Variants in CTSS observed in about 807,000 individuals in gnomAD.
CTSS encodes the protein cathepsin S.
A neutral mutation model predicts 39.9 loss-of-function variants in CTSS; 15 were observed. The observed-to-expected ratio is 0.38, with a 90% confidence interval of 0.25 to 0.58. CTSS has a LOEUF of 0.58. Among genes scored for constraint, CTSS ranks in the 20% least tolerant of loss-of-function variants. The probability of loss-of-function intolerance (pLI) is 0.70; values close to 1 mark genes in which losing one functional copy is unlikely to be tolerated. For synonymous variants in CTSS, 126 were observed against 138.2 expected, an observed-to-expected ratio of 0.91 and a Z score of 0.62; for missense variants, 250 against 398.2, an observed-to-expected ratio of 0.63 and a Z score of 3.17.
intron 7 of CTSS, 106 bp from the exon 8 acceptor site, chr1:150,733,251 C>A: frequency 5.5e-6 from 4 of 724,256 alleles, no homozygotes; most frequent in Non-Finnish European, 9.1e-6. Flanking sequence ...ATATGAAAGG[C>A]CGTAAAACAA....
intron 2 of CTSS, 63 bp from the exon 3 acceptor site, chr1:150,758,043 G>A: frequency 6.6e-7 from 1 of 1,504,874 alleles, no homozygotes; most frequent in Non-Finnish European, 8.9e-7. Flanking sequence ...GTTTGATGAT[G>A]AAAATGGCAA....
At chr1:150,749,567 G>A (rs376154753) in intron 6 of CTSS, among the ~76,000 whole-genome samples, 2 of 55,962 alleles carry the variant, frequency 3.6e-5, no homozygotes, top group Non-Finnish European at 7.4e-5. Flanking sequence ...ACCCCGCCCC[G>A]CCTCACCCCG....
chr1:150,749,939 A>G (rs911216462), intron 6 of CTSS, 67 bp downstream of exon 6: 1 of 1,378,668 alleles, frequency 7.3e-7, no homozygotes, highest in Middle Eastern at 2.0e-4. Flanking sequence ...GGCATGAACC[A>G]CCGTGCTCAG....
intron 2 of CTSS, among the ~76,000 whole-genome samples, chr1:150,759,108 G>A (rs1361219358): frequency 6.6e-6 from 1 of 151,008 alleles, no homozygotes. Flanking sequence ...GGCCTTAAAG[G>A]ATCCTTCCCC....
chr1:150,749,572 A>ACCCCGCCCCGCCCCG (rs1025330281), intron 6 of CTSS, among the ~76,000 whole-genome samples: 1 of 46,682 alleles, frequency 2.1e-5, no homozygotes, highest in South Asian at 6.8e-4. Context: ...GCCCCGCCTC[A>ACCCCGCCCCGCCCCG]CCCCGCCCCG....
chr1:150,753,727 A>T (rs1000808908), intron 4 of CTSS, among the ~76,000 whole-genome samples: 6 of 152,112 alleles, frequency 3.9e-5, no homozygotes, highest in African/African-American at 1.4e-4. Context: ...AGGTAGGAGG[A>T]TCACTTGAGC....
At position 150,732,965 on chromosome 1, in the gene CTSS, T is replaced by A; in HGVS notation, c.*81A>T. 1 of 982,894 alleles carries A rather than the reference T, an allele frequency of 1.0e-6. No individual in the cohort carries two copies. The highest frequency in any genetic ancestry group is 1.4e-5 in the South Asian group (1 of 69,904). The allele number at this position is 982,894 out of a possible 1,614,324, so 60.9% of individuals were successfully genotyped here. A position where few individuals can be genotyped will look rare whatever the true frequency, so the allele number is the denominator to read the frequency against. The stretch of plus-strand genomic sequence containing the variant: ...TACACATTAATCATGACACAATTAT[T>A]TCTTCTGGATACAGCAGGAAAAATT... On this transcript the variant is annotated 3_prime_UTR_variant, in exon 8 of 8. Transcript: ENST00000368985.
At position 150,730,459 on chromosome 1, in the gene CTSS, A is replaced by C. The variant is rs587637029; in HGVS notation, c.*2587T>G. 6.6e-6 allele frequency: 1 copy of C among 152,300 alleles called. No homozygotes were observed. The highest frequency in any genetic ancestry group is 2.1e-4 in the South Asian group (1 of 4,826). 9.4% of individuals were successfully genotyped at this position (152,300 alleles called of 1,614,324 possible). A position where few individuals can be genotyped will look rare whatever the true frequency, so the allele number is the denominator to read the frequency against. Reference sequence around the variant, plus strand: ...AGGATGCTCCTTTTCTCTGGGTGCCAGGAGAGCACCTCTTACATGACAGTC... The same window carrying C: ...AGGATGCTCCTTTTCTCTGGGTGCCCGGAGAGCACCTCTTACATGACAGTC... On this transcript the variant is annotated 3_prime_UTR_variant, in exon 8 of 8. Coordinates refer to ENST00000368985, the MANE Select transcript of CTSS (RefSeq NM_004079.5).
At chr1:150,765,650 CAG>C (rs1441773443) in intron 1 of CTSS, 46 bp downstream of exon 1, 4 of 152,118 alleles carry the variant, frequency 2.6e-5, no homozygotes, top group East Asian at 1.9e-4. Context: ...GTTACAAACA[CAG>C]AGTGTTTGAA....
At chr1:150,752,917 G>C (rs1225096862) in intron 4 of CTSS, among the ~76,000 whole-genome samples, 1 of 152,138 alleles carries the variant, frequency 6.6e-6, no homozygotes, top group South Asian at 2.1e-4. Flanking sequence ...GCAGTGGTGT[G>C]ATCATGGCTC....
intron 2 of CTSS, among the ~76,000 whole-genome samples, chr1:150,762,864 G>A (rs974651295): frequency 1.3e-5 from 2 of 152,088 alleles, no homozygotes; most frequent in Admixed American, 6.6e-5. Context: ...CAGTATGGAG[G>A]TTCCTCAAAA....
At chr1:150,741,981 G>A (rs992205425) in intron 7 of CTSS, among the ~76,000 whole-genome samples, 40 of 151,992 alleles carry the variant, frequency 2.6e-4, no homozygotes, top group African/African-American at 9.7e-4. Context: ...GCTCATGCCT[G>A]TAATCCCAGC....
chr1:150,759,226 GT>G (rs1281520796), intron 2 of CTSS, among the ~76,000 whole-genome samples: 1 of 151,828 alleles, frequency 6.6e-6, no homozygotes, highest in East Asian at 1.9e-4. Context: ...CTGGGTGTAG[GT>G]TTCTTTATTT....
chr1:150,749,447 G>C (rs990422806), intron 6 of CTSS, among the ~76,000 whole-genome samples: 2 of 152,122 alleles, frequency 1.3e-5, no homozygotes, highest in Non-Finnish European at 2.9e-5. Context: ...TCCAGAACAA[G>C]ACCCTAACTC....
chr1:150,763,176 A>G (rs1035220331), intron 2 of CTSS, among the ~76,000 whole-genome samples: 2 of 152,194 alleles, frequency 1.3e-5, no homozygotes, highest in African/African-American at 2.4e-5. Context: ...GCTAAGTGAA[A>G]TAAGCCAGGC....
chr1:150,738,556 G>A lies in CTSS; in HGVS notation c.897-5411C>T, dbSNP rs190290921. Among the ~76,000 whole-genome samples the A allele has an allele frequency of 6.7e-5, 10 of 148,906 alleles. No homozygotes were observed. In the East Asian group the frequency reaches 1.4e-3, roughly 21 times the overall value. On this transcript the variant is annotated intron_variant, in intron 7 of 7. Coordinates refer to ENST00000368985, the MANE Select transcript of CTSS (RefSeq NM_004079.5). Reference sequence around the variant, plus strand: ...CAGGTTGTTGTGCAGTGGCACAATCGCAGCTCACTGCAGCCTCAGCCTCCA... The same window carrying A: ...CAGGTTGTTGTGCAGTGGCACAATCACAGCTCACTGCAGCCTCAGCCTCCA...
intron 6 of CTSS, 116 bp downstream of exon 6, chr1:150,749,890 A>G (rs1436172783): frequency 2.4e-6 from 2 of 828,868 alleles, no homozygotes; most frequent in African/African-American, 1.7e-5. Flanking sequence ...CCCAGGCTCA[A>G]GCAATCCTCC....
At chr1:150,739,854 G>C (rs1037195599) in intron 7 of CTSS, among the ~76,000 whole-genome samples, 1 of 151,924 alleles carries the variant, frequency 6.6e-6, no homozygotes, top group African/African-American at 2.4e-5. Context: ...TTGTAAGAAG[G>C]CTGATGAAAC....
At chr1:150,752,256 A>G (rs1358723281) in intron 4 of CTSS, among the ~76,000 whole-genome samples, 3 of 152,224 alleles carry the variant, frequency 2.0e-5, no homozygotes, top group Non-Finnish European at 4.4e-5. Context: ...TAATGGCCAT[A>G]TTCAAATATA....
Sources: allele counts gnomAD v4.1 joint callset (sites outside exome capture counted in the v4.1 genomes callset), GRCh38; gene constraint gnomAD v4.1.1; transcripts MANE v1.5; gene names NCBI Gene and HGNC (gene_info 2026-07-23, HGNC 2026-07-21).